Variants in BCAS1 observed in about 807,000 individuals in gnomAD.
BCAS1 encodes the protein brain enriched myelin associated protein 1.
In BCAS1, 46 loss-of-function variants were observed where a neutral mutation model predicts 65.4. The observed-to-expected ratio is 0.70, with a 90% CI of 0.55 to 0.90. The LOEUF (loss-of-function observed/expected upper bound fraction) is 0.90. BCAS1 is among the 40% of genes least tolerant of loss of function. The pLI is 0.00. For missense variants in BCAS1, 793 were observed against 771.2 expected, an observed-to-expected ratio of 1.03 and a Z score of -0.33; for synonymous variants, 298 against 293.5, an observed-to-expected ratio of 1.02 and a Z score of -0.16.
At position 54,041,080 on chromosome 20, in the gene BCAS1, A is replaced by C. The variant is rs759206189; in HGVS notation, c.143-12108T>G. Among the ~76,000 whole-genome samples the C allele has an allele frequency of 7.9e-5, 12 of 151,436 alleles. 1 individual carries two copies. Among genetic ancestry groups the C allele is most frequent in the Non-Finnish European group, 1.6e-4 (11 of 67,648 alleles). Reference sequence around the variant, plus strand: ...CTAAGTGAAAGACGCCAGACACAAAAAGCAAAATATTGTATGATTCCATTT... The same window carrying C: ...CTAAGTGAAAGACGCCAGACACAAACAGCAAAATATTGTATGATTCCATTT... On this transcript the variant is annotated intron_variant, in intron 3 of 12. Transcript: ENST00000688948.
At chr20:54,011,389 A>G (rs932768733) in intron 4 of BCAS1, among the ~76,000 whole-genome samples, 3 of 135,438 alleles carry the variant, frequency 2.2e-5, no homozygotes, top group Non-Finnish European at 5.1e-5. Flanking sequence ...AAAACTCAAC[A>G]TTAAAAACAA....
chr20:54,030,703 T>C (rs188823739), intron 3 of BCAS1, among the ~76,000 whole-genome samples: 1 of 148,406 alleles, frequency 6.7e-6, no homozygotes, highest in African/African-American at 2.5e-5. Context: ...GGGGGGAGAG[T>C]GAGCTGGATT....
intron 4 of BCAS1, among the ~76,000 whole-genome samples, chr20:54,006,755 C>T (rs1262374792): frequency 6.6e-6 from 1 of 151,244 alleles, no homozygotes; most frequent in Non-Finnish European, 1.5e-5. Flanking sequence ...TTTTGAATCA[C>T]AGCAAGTCTG....
intron 4 of BCAS1, among the ~76,000 whole-genome samples, chr20:54,002,625 A>G (rs1298048099): frequency 1.3e-5 from 2 of 152,142 alleles, no homozygotes; most frequent in East Asian, 1.9e-4. Context: ...TAATAAGTGT[A>G]TTTGAAATAT....
At chr20:54,028,304 G>T in intron 4 of BCAS1, 88 bp downstream of exon 4, 1 of 1,395,194 alleles carries the variant, frequency 7.2e-7, no homozygotes, top group Non-Finnish European at 1.0e-6. Flanking sequence ...CCTAGGCCCA[G>T]GGTGACTGCA....
chr20:53,983,093 T>C (rs2145758409), intron 8 of BCAS1, among the ~76,000 whole-genome samples: 1 of 152,290 alleles, frequency 6.6e-6, no homozygotes, highest in South Asian at 2.1e-4. Flanking sequence ...TGTCAAGTTG[T>C]CCTGACATTG....
At chr20:53,947,421 G>A (rs1299634419) in intron 12 of BCAS1, among the ~76,000 whole-genome samples, 3 of 152,140 alleles carry the variant, frequency 2.0e-5, no homozygotes, top group Admixed American at 6.5e-5. Context: ...CCAGGACACC[G>A]TGAAATACCA....
At chr20:54,007,746 T>G (rs369916378) in intron 4 of BCAS1, among the ~76,000 whole-genome samples, 2 of 152,158 alleles carry the variant, frequency 1.3e-5, no homozygotes, top group East Asian at 3.9e-4. Context: ...TAGATTGACA[T>G]TAAAAAATAA....
In BCAS1 at chr20:54,028,901, C is replaced by T; in HGVS notation, c.214G>A (p.Val72Ile). 2 of 1,614,088 alleles carry T rather than the reference C, an allele frequency of 1.2e-6. No homozygotes were observed. Among genetic ancestry groups the T allele is most frequent in the Non-Finnish European group, 1.7e-6 (2 of 1,180,008 alleles). The change falls in exon 4 of 13, where the codon GTT becomes ATT. Residue 72 changes from valine to isoleucine, a missense_variant. Val to Ile is a conservative substitution (Grantham distance 29). Coordinates refer to ENST00000688948, the MANE Select transcript of BCAS1 (RefSeq NM_001366298.2). ...AGATTCTTTCCGTTGGCATCCGCAA[C>T]AGCACTTATCTCCGTTGTCTCGGGG... ...SSPETTEISA[V>I]ADANGKNLGK...
intron 10 of BCAS1, among the ~76,000 whole-genome samples, chr20:53,962,709 C>T (rs186288903): frequency 2.6e-5 from 4 of 152,246 alleles, no homozygotes; most frequent in East Asian, 1.9e-4. Flanking sequence ...AGATATTCCT[C>T]GCAATTGTTT....
At chr20:53,984,826 C>T (rs1181895044) in intron 8 of BCAS1, among the ~76,000 whole-genome samples, 1 of 152,024 alleles carries the variant, frequency 6.6e-6, no homozygotes, top group Non-Finnish European at 1.5e-5. Flanking sequence ...GATGGACACC[C>T]TAGGTTTCTA....
At chr20:54,059,432 A>G (rs1029401471) in intron 1 of BCAS1, among the ~76,000 whole-genome samples, 2 of 151,258 alleles carry the variant, frequency 1.3e-5, no homozygotes, top group Non-Finnish European at 2.9e-5. Flanking sequence ...AAATAATAAT[A>G]TTTTTTTCTG....
chr20:53,985,573 T>A, intron 7 of BCAS1, 74 bp from the exon 8 acceptor site: 1 of 1,362,256 alleles, frequency 7.3e-7, no homozygotes, highest in Non-Finnish European at 1.0e-6. Flanking sequence ...GATCTCTTTT[T>A]AATAAACATG....
chr20:54,007,146 T>C (rs1345420115), intron 4 of BCAS1, among the ~76,000 whole-genome samples: 1 of 152,162 alleles, frequency 6.6e-6, no homozygotes, highest in Non-Finnish European at 1.5e-5. Flanking sequence ...TCCCCAGTGC[T>C]CATCACAGAA....
In BCAS1 at chr20:53,992,545, T is replaced by C. The variant is rs766439882; in HGVS notation, c.1029A>G (p.Leu343=). The C allele has an allele frequency of 2.2e-6, 3 of 1,365,332 alleles. No homozygotes were observed. Among genetic ancestry groups the C allele is most frequent in the African/African-American group, 3.0e-5 (2 of 67,384 alleles). 84.6% of individuals were successfully genotyped at this position (1,365,332 alleles called of 1,614,324 possible). ...TKKKHLDSPR[L]GLAFRKFFRH... ...TAAAGAATTTTCTAAAGGCGAGTCC[T>C]AGCCTGGGGCTATCCAGGTGCTTTT... is the stretch of plus-strand genomic sequence containing the variant. Residue 343 remains leucine (L), a synonymous_variant, in exon 7 of 13, where the codon CTA becomes CTG. Coordinates refer to ENST00000688948, the MANE Select transcript of BCAS1 (RefSeq NM_001366298.2).
chr20:53,969,840 T>G (rs1444504570), intron 9 of BCAS1, among the ~76,000 whole-genome samples: 1 of 152,168 alleles, frequency 6.6e-6, no homozygotes, highest in Non-Finnish European at 1.5e-5. Context: ...CATCTGTATT[T>G]TGATCCCCTA....
At chr20:53,987,939 A>G (rs2090656862) in intron 7 of BCAS1, among the ~76,000 whole-genome samples, 1 of 152,160 alleles carries the variant, frequency 6.6e-6, no homozygotes, top group African/African-American at 2.4e-5. Context: ...TACTTCAACA[A>G]CAACCTCTCC....
intron 10 of BCAS1, among the ~76,000 whole-genome samples, chr20:53,959,194 A>C (rs925573033): frequency 3.3e-5 from 5 of 152,044 alleles, no homozygotes; most frequent in African/African-American, 1.2e-4. Flanking sequence ...ATGGTCAAGC[A>C]ATCCTCCTGC....
chr20:54,044,718 A>G (rs574793175), intron 3 of BCAS1, among the ~76,000 whole-genome samples: 2 of 151,916 alleles, frequency 1.3e-5, no homozygotes, highest in Admixed American at 1.3e-4. Context: ...CGCGCCTGTA[A>G]TCTCAGCTAC....
Sources: gnomAD v4.1 joint callset for allele counts (sites outside exome capture counted in the v4.1 genomes callset) on GRCh38, gnomAD v4.1.1 for gene constraint, MANE v1.5 for transcripts, NCBI Gene and HGNC (gene_info 2026-07-23, HGNC 2026-07-21) for gene names.